The following RAB3GAP1 variants were observed in gnomAD, a reference collection of about 807,000 sequenced individuals.
The protein encoded by RAB3GAP1 is rab3 GTPase-activating protein catalytic subunit.
A neutral mutation model predicts 130.7 loss-of-function variants in RAB3GAP1; 86 were observed. The observed-to-expected ratio is 0.66, with a 90% confidence interval of 0.55 to 0.79. RAB3GAP1 has a LOEUF of 0.79. Ranked by LOEUF, RAB3GAP1 falls within the 30% of genes least tolerant of loss-of-function variation. The pLI is 0.00. For missense variants in RAB3GAP1, 1,029 were observed against 1,169.4 expected (o/e 0.88, Z 1.75); for synonymous variants, 367 against 401.7 (o/e 0.91, Z 1.03).
intron 3 of RAB3GAP1, among the ~76,000 whole-genome samples, chr2:135,081,621 A>G (rs1341449340): frequency 6.6e-6 from 1 of 151,832 alleles, no homozygotes; most frequent in Non-Finnish European, 1.5e-5. Flanking sequence ...GCATAATTGC[A>G]TGTTTGTTTT....
chr2:135,088,972 G>A (rs899893537), intron 3 of RAB3GAP1, among the ~76,000 whole-genome samples: 4 of 152,058 alleles, frequency 2.6e-5, no homozygotes, highest in African/African-American at 9.7e-5. Context: ...TTTTAATCAA[G>A]AAGTCTTTGC....
rs757230325 is a variant in RAB3GAP1 at position 135,129,965 on chromosome 2, G to C, written c.974-30G>C. 11 of 1,304,302 alleles carry C rather than the reference G, an allele frequency of 8.4e-6. No individual in the cohort carries two copies. The African/African-American group carries it at 1.5e-4, about 18-fold the overall frequency. 80.8% of individuals were successfully genotyped at this position (1,304,302 alleles called of 1,614,324 possible). A position where few individuals can be genotyped will look rare whatever the true frequency, so the allele number is the denominator to read the frequency against. ...ACTGATTTTTTTTTTTTTCAGTTAA[G>C]TGTCAAAAATAACTTTTTTTCCTAC... On this transcript the variant is annotated intron_variant, in intron 11 of 23. Coordinates refer to ENST00000264158, the MANE Select transcript of RAB3GAP1 (RefSeq NM_012233.3).
At position 135,120,893 on chromosome 2, in the gene RAB3GAP1, G is replaced by A. The variant is rs1484078423; in HGVS notation, c.723G>A (p.Gln241=). Residue 241 remains glutamine (Q), a synonymous_variant, in exon 8 of 24, where the codon CAG becomes CAA. Transcript: ENST00000264158. ...RFTYVLQDWQ[Q]YFWPQQPPDI... is the part of the protein sequence containing the mutation. ...CCTATGTACTTCAAGATTGGCAGCA[G>A]TATTTTTGGCCTCAGCAACCTCCAG... is the stretch of plus-strand genomic sequence containing the variant. 6.2e-7 allele frequency: 1 copy of A among 1,612,148 alleles called. No homozygotes were observed. The highest frequency in any genetic ancestry group is 1.7e-5 in the Admixed American group (1 of 60,020).
chr2:135,145,385 AACACACACACACATAC>A (rs1342592041), intron 17 of RAB3GAP1, among the ~76,000 whole-genome samples: 8 of 142,956 alleles, frequency 5.6e-5, no homozygotes, highest in African/African-American at 2.2e-4. Flanking sequence ...ACCCCTCACC[AACACACACACACATAC>A]ACACACACAC....
chr2:135,064,244 G>T (rs921381109), intron 3 of RAB3GAP1, among the ~76,000 whole-genome samples: 2 of 151,906 alleles, frequency 1.3e-5, no homozygotes, highest in African/African-American at 4.8e-5. Flanking sequence ...CACCACATTT[G>T]GGGTGTGTTA....
At position 135,146,182 on chromosome 2, in the gene RAB3GAP1, A is replaced by G. The variant is rs533825255; in HGVS notation, c.1924-4187A>G. On this transcript the variant is annotated intron_variant, in intron 17 of 23. Coordinates refer to ENST00000264158, the MANE Select transcript of RAB3GAP1 (RefSeq NM_012233.3). ...TCTTTTAATGCTAGAAACCAAGTGT[A>G]TAAGTGCATATTTGTTCTTTTTTTT... is the stretch of plus-strand genomic sequence containing the variant. 2.0e-5 allele frequency among the ~76,000 whole-genome samples: 3 copies of G among 148,078 alleles called. No homozygotes were observed. The South Asian group carries it at 6.5e-4, about 32-fold the overall frequency.
At chr2:135,094,642 ATCT>A (rs1690240408) in intron 5 of RAB3GAP1, among the ~76,000 whole-genome samples, 1 of 152,120 alleles carries the variant, frequency 6.6e-6, no homozygotes. Flanking sequence ...GCCATCTTAA[ATCT>A]TCTTGTAAAA....
intron 7 of RAB3GAP1, 148 bp from the exon 8 acceptor site, chr2:135,120,671 G>T: frequency 4.2e-6 from 3 of 719,608 alleles, no homozygotes; most frequent in South Asian, 3.0e-5. Context: ...ACTAGAATAT[G>T]CACACTATTG....
intron 5 of RAB3GAP1, among the ~76,000 whole-genome samples, chr2:135,109,870 C>T (rs1690747664): frequency 6.6e-6 from 1 of 152,158 alleles, no homozygotes; most frequent in South Asian, 2.1e-4. Flanking sequence ...GTGTGAGCCA[C>T]CGCTCCCGGC....
intron 17 of RAB3GAP1, among the ~76,000 whole-genome samples, chr2:135,146,312 A>G (rs922892626): frequency 2.7e-5 from 4 of 150,670 alleles, no homozygotes; most frequent in Admixed American, 1.3e-4. Flanking sequence ...GCTGAGTTCA[A>G]GTGATTCTTG....
intron 3 of RAB3GAP1, among the ~76,000 whole-genome samples, chr2:135,064,108 G>T (rs1342124088): frequency 6.6e-6 from 1 of 152,026 alleles, no homozygotes; most frequent in Non-Finnish European, 1.5e-5. Context: ...TTCTCTGGCT[G>T]CTTTTGAGAT....
At chr2:135,126,379 A>C in intron 10 of RAB3GAP1, 130 bp downstream of exon 10, 1 of 910,302 alleles carries the variant, frequency 1.1e-6, no homozygotes, top group Non-Finnish European at 1.7e-6. Context: ...TTTGTGTTTT[A>C]TTGTCTAAGG....
chr2:135,081,416 G>A (rs1352281331), intron 3 of RAB3GAP1, among the ~76,000 whole-genome samples: 3 of 137,236 alleles, frequency 2.2e-5, no homozygotes, highest in Non-Finnish European at 4.6e-5. Flanking sequence ...GTATATATAT[G>A]TGTGTGTGTG....
At chr2:135,148,926 ACCT>A (rs1482447146) in intron 17 of RAB3GAP1, among the ~76,000 whole-genome samples, 1 of 151,920 alleles carries the variant, frequency 6.6e-6, no homozygotes. Context: ...TTATCTCTGC[ACCT>A]CATTTTCATC....
intron 3 of RAB3GAP1, 199 bp downstream of exon 3, chr2:135,058,285 A>G (rs1689072119): frequency 3.7e-6 from 2 of 542,028 alleles, no homozygotes; most frequent in South Asian, 4.1e-5. Context: ...GAAATGTTTA[A>G]TAAAGTTATA....
At chr2:135,115,754 A>G (rs1289689913) in intron 7 of RAB3GAP1, among the ~76,000 whole-genome samples, 1 of 152,222 alleles carries the variant, frequency 6.6e-6, no homozygotes, top group African/African-American at 2.4e-5. Context: ...GAGCTCCTTA[A>G]GGTCTAAACA....
At chr2:135,106,877 C>G (rs1270518776) in intron 5 of RAB3GAP1, among the ~76,000 whole-genome samples, 1 of 147,840 alleles carries the variant, frequency 6.8e-6, no homozygotes, top group African/African-American at 2.5e-5. Flanking sequence ...ACACTCAGAA[C>G]TGGAAGTCTT....
rs1690208420 is a variant in RAB3GAP1 at position 135,093,614 on chromosome 2, G to A, written c.284-1G>A. The stretch of plus-strand genomic sequence containing the variant: ...TTTTTCATTATCAAATGTTTTTGTA[G>A]ATGTTGTTCCACAATCTATGCAAGA... On this transcript the variant is annotated splice_acceptor_variant, in intron 4 of 23. Coordinates refer to ENST00000264158, the MANE Select transcript of RAB3GAP1 (RefSeq NM_012233.3). LOFTEE classifies it high-confidence loss of function. 1 of 1,610,744 alleles carries A rather than the reference G, an allele frequency of 6.2e-7. No individual in the cohort carries two copies. Among genetic ancestry groups the A allele is most frequent in the Admixed American group, 1.7e-5 (1 of 59,988 alleles).
chr2:135,117,005 G>T (rs1029801102), intron 7 of RAB3GAP1, among the ~76,000 whole-genome samples: 12 of 151,784 alleles, frequency 7.9e-5, no homozygotes, highest in African/African-American at 2.4e-4. Context: ...TAGTGTACTG[G>T]TAGGATTATT....
Sources: gnomAD v4.1 joint callset for allele counts (sites outside exome capture counted in the v4.1 genomes callset) on GRCh38, gnomAD v4.1.1 for gene constraint, MANE v1.5 for transcripts, NCBI Gene and HGNC (gene_info 2026-07-23, HGNC 2026-07-21) for gene names.